Variants in HNMT observed in about 807,000 individuals in gnomAD.
The protein encoded by HNMT is histamine N-methyltransferase.
A neutral mutation model predicts 32.1 loss-of-function variants in HNMT; 30 were observed. The ratio of observed to expected loss-of-function variants is 0.93; its 90% confidence interval spans 0.70 to 1.27. The LOEUF is 1.27. HNMT is among the 50% of genes most tolerant of loss of function. The pLI is 0.00. For synonymous variants in HNMT, 125 were observed against 119.0 expected, an observed-to-expected ratio of 1.05 and a Z score of -0.33; for missense variants, 327 against 346.0, an observed-to-expected ratio of 0.95 and a Z score of 0.43.
At chr2:137,981,175 T>C (rs1680483216) in intron 2 of HNMT, 2 of 1,589,730 alleles carry the variant, frequency 1.3e-6, no homozygotes, top group Non-Finnish European at 1.7e-6. Flanking sequence ...TGGCAGGAGA[T>C]ATGGCCACAG....
chr2:137,985,055 G>T (rs1680611506), intron 2 of HNMT, among the ~76,000 whole-genome samples: 1 of 152,076 alleles, frequency 6.6e-6, no homozygotes, highest in African/African-American at 2.4e-5. Flanking sequence ...TTGAATAGTA[G>T]CAAACTAGGA....
Position 137,964,700 on chromosome 2 carries a change from G to T in HNMT, c.137+72G>T, listed in dbSNP as rs1449963003. 14 of 1,492,306 alleles carry T rather than the reference G, an allele frequency of 9.4e-6. No homozygotes were observed. The Admixed American group carries it at 1.9e-4, about 20-fold the overall frequency. 92.4% of individuals were successfully genotyped at this position (1,492,306 alleles called of 1,614,324 possible). ...TGTGCGTCAGTGATAGATGGGTCTC[G>T]CTCAGCCTCGCAGGCTGGGCACAGG... is the stretch of plus-strand genomic sequence containing the variant. On this transcript the variant is annotated intron_variant, in intron 1 of 5. Transcript: ENST00000280097.
At chr2:138,005,355 C>A in intron 5 of HNMT, 130 bp downstream of exon 5, 1 of 630,146 alleles carries the variant, frequency 1.6e-6, no homozygotes, top group South Asian at 2.0e-5. Context: ...CTAATCATAG[C>A]CAATTAATTT....
chr2:138,004,421 A>G (rs577872119), intron 4 of HNMT, among the ~76,000 whole-genome samples: 1 of 152,208 alleles, frequency 6.6e-6, no homozygotes, highest in East Asian at 1.9e-4. Context: ...ATGAGATATA[A>G]GAAGTGTCTA....
intron 2 of HNMT, among the ~76,000 whole-genome samples, 161 bp from the exon 3 acceptor site, chr2:138,000,757 A>G (rs1384862705): frequency 6.6e-6 from 1 of 152,054 alleles, no homozygotes; most frequent in African/African-American, 2.4e-5. Context: ...CCTACTTAGA[A>G]CCTAGCTGCC....
intron 5 of HNMT, among the ~76,000 whole-genome samples, chr2:138,009,503 C>A (rs1398621747): frequency 6.6e-6 from 1 of 152,002 alleles, no homozygotes; most frequent in Non-Finnish European, 1.5e-5. Context: ...GTTTTGCCCC[C>A]CTCAGTGTAT....
chr2:137,983,352 A>G (rs1680559712), intron 2 of HNMT, among the ~76,000 whole-genome samples: 2 of 152,044 alleles, frequency 1.3e-5, no homozygotes, highest in Admixed American at 6.6e-5. Flanking sequence ...CATTGTTGTA[A>G]TTTATTGCAC....
intron 2 of HNMT, among the ~76,000 whole-genome samples, chr2:137,975,709 C>T (rs1432066304): frequency 6.6e-6 from 1 of 152,076 alleles, no homozygotes; most frequent in East Asian, 1.9e-4. Flanking sequence ...ACTGGAAGAT[C>T]CAGTGTGTCA....
At chr2:138,005,262 C>A in intron 5 of HNMT, 37 bp downstream of exon 5, 1 of 1,057,306 alleles carries the variant, frequency 9.5e-7, no homozygotes, top group Non-Finnish European at 1.5e-6. Context: ...TTTAAAACAG[C>A]AATAATACAC....
intron 2 of HNMT, among the ~76,000 whole-genome samples, chr2:137,994,767 G>C (rs190324001): frequency 2.2e-4 from 33 of 152,244 alleles, no homozygotes; most frequent in African/African-American, 7.9e-4. Context: ...GACATAATTG[G>C]AAATAAAACA....
intron 2 of HNMT, among the ~76,000 whole-genome samples, chr2:137,997,680 C>T (rs934574067): frequency 1.3e-5 from 2 of 152,156 alleles, no homozygotes; most frequent in South Asian, 4.1e-4. Flanking sequence ...TGGGTATATA[C>T]CCAAAGGAAT....
intron 2 of HNMT, chr2:137,992,082 C>A (rs1028985786): frequency 7.9e-5 from 12 of 152,248 alleles, no homozygotes; most frequent in African/African-American, 2.7e-4. Flanking sequence ...ATTGTGCAAC[C>A]CACAGATTGG....
At chr2:138,005,908 T>C (rs1681317176) in intron 5 of HNMT, among the ~76,000 whole-genome samples, 2 of 146,676 alleles carry the variant, frequency 1.4e-5, no homozygotes, top group Admixed American at 1.4e-4. Flanking sequence ...TTTCTACCAG[T>C]ACTTACAGGT....
intron 2 of HNMT, among the ~76,000 whole-genome samples, chr2:137,995,310 A>T (rs1437132031): frequency 6.6e-6 from 1 of 152,066 alleles, no homozygotes; most frequent in South Asian, 2.1e-4. Context: ...TCAAATAGAC[A>T]CAATAAAAAA....
At chr2:137,991,547 G>A (rs1401792568) in intron 2 of HNMT, among the ~76,000 whole-genome samples, 1 of 152,122 alleles carries the variant, frequency 6.6e-6, no homozygotes, top group Non-Finnish European at 1.5e-5. Flanking sequence ...GAGGCCAAAA[G>A]CACCATAAAA....
intron 5 of HNMT, 131 bp from the exon 6 acceptor site, chr2:138,013,644 T>C: frequency 1.5e-6 from 1 of 653,386 alleles, no homozygotes; most frequent in Non-Finnish European, 2.6e-6. Flanking sequence ...CCTCCTGTAC[T>C]CCTTGAAATA....
intron 2 of HNMT, among the ~76,000 whole-genome samples, chr2:137,981,959 T>C (rs557910212): frequency 6.6e-6 from 1 of 152,324 alleles, no homozygotes; most frequent in African/African-American, 2.4e-5. Flanking sequence ...GCTCATGTGA[T>C]TCTTGTGCCT....
Position 137,997,785 on chromosome 2 carries a change from G to A in HNMT, c.191-3133G>A, listed in dbSNP as rs531314770. Among the ~76,000 whole-genome samples the A allele has an allele frequency of 5.3e-4, 80 of 152,200 alleles. 2 individuals are homozygous for A. The South Asian group carries it at 0.011, about 21-fold the overall frequency. On this transcript the variant is annotated intron_variant, in intron 2 of 5. Coordinates refer to ENST00000280097, the MANE Select transcript of HNMT (RefSeq NM_006895.3). The stretch of plus-strand genomic sequence containing the variant: ...CATGGAACCAACCCAAATGCCCATC[G>A]GTGATAGACTGGATAAAGAAAATGT...
intron 2 of HNMT, among the ~76,000 whole-genome samples, chr2:137,993,022 A>C (rs1245139574): frequency 6.6e-6 from 1 of 152,196 alleles, no homozygotes; most frequent in Non-Finnish European, 1.5e-5. Context: ...AACAACAAAA[A>C]GTCTCCACAA....
Sources: allele counts gnomAD v4.1 joint callset (sites outside exome capture counted in the v4.1 genomes callset), GRCh38; gene constraint gnomAD v4.1.1; transcripts MANE v1.5; gene names NCBI Gene and HGNC (gene_info 2026-07-23, HGNC 2026-07-21).